Variants in CPNE4 observed in about 807,000 individuals in gnomAD.
The protein encoded by CPNE4 is copine-4.
CPNE4 carries 25 observed loss-of-function variants against 67.9 expected under a neutral mutation model. The observed-to-expected ratio is 0.37, with a 90% confidence interval of 0.27 to 0.51. The LOEUF (loss-of-function observed/expected upper bound fraction) is 0.51. Among genes scored for constraint, CPNE4 ranks in the 20% least tolerant of loss-of-function variants. The pLI, the probability that CPNE4 is intolerant of heterozygous loss-of-function variation, is 0.93. For missense variants in CPNE4, 464 were observed against 690.8 expected (o/e 0.67, Z 3.68); for synonymous variants, 242 against 244.9 (o/e 0.99, Z 0.11).
intron 2 of CPNE4, among the ~76,000 whole-genome samples, chr3:131,818,974 C>T (rs552548470): frequency 2.4e-4 from 37 of 152,084 alleles, no homozygotes; most frequent in Non-Finnish European, 4.7e-4. Context: ...CTGGTGGGCA[C>T]CTGTAAACTC....
intron 2 of CPNE4, among the ~76,000 whole-genome samples, chr3:131,751,771 T>TG (rs1553765165): frequency 6.2e-4 from 85 of 136,692 alleles, no homozygotes; most frequent in African/African-American, 1.9e-3. Flanking sequence ...GCTGTTTTTT[T>TG]TTTGTTTTTT....
At chr3:131,887,380 C>T (rs977622018) in intron 2 of CPNE4, among the ~76,000 whole-genome samples, 19 of 152,144 alleles carry the variant, frequency 1.2e-4, no homozygotes, top group Non-Finnish European at 2.1e-4. Context: ...TTGTAAATTG[C>T]CCAGTCTCAG....
intron 2 of CPNE4, among the ~76,000 whole-genome samples, chr3:131,733,064 A>T (rs1217124812): frequency 6.6e-6 from 1 of 152,210 alleles, no homozygotes; most frequent in Non-Finnish European, 1.5e-5. Flanking sequence ...ACTATATATT[A>T]TGACTTACTG....
At chr3:131,668,454 C>T (rs2080316827) in intron 7 of CPNE4, among the ~76,000 whole-genome samples, 1 of 152,154 alleles carries the variant, frequency 6.6e-6, no homozygotes, top group African/African-American at 2.4e-5. Context: ...GAGGTGGGCA[C>T]TCCTGGTTTT....
intron 3 of CPNE4, among the ~76,000 whole-genome samples, chr3:131,701,093 G>T (rs970417246): frequency 2.4e-5 from 3 of 125,334 alleles, no homozygotes; most frequent in Non-Finnish European, 4.9e-5. Flanking sequence ...GGGGCCTGTT[G>T]TGGGGTGGGG....
At chr3:131,671,532 T>G (rs1362144778) in intron 6 of CPNE4, among the ~76,000 whole-genome samples, 1 of 151,958 alleles carries the variant, frequency 6.6e-6, no homozygotes, top group Non-Finnish European at 1.5e-5. Context: ...CTGGTATTTA[T>G]TTTGTATCTA....
intron 2 of CPNE4, among the ~76,000 whole-genome samples, chr3:131,754,741 T>C (rs1560245365): frequency 1.3e-5 from 2 of 152,198 alleles, no homozygotes; most frequent in Admixed American, 6.5e-5. Flanking sequence ...CACGAAGCTA[T>C]GGGTCATGGC....
intron 5 of CPNE4, among the ~76,000 whole-genome samples, chr3:131,695,721 C>T (rs2081139252): frequency 1.3e-5 from 2 of 152,172 alleles, no homozygotes; most frequent in African/African-American, 4.8e-5. Context: ...AGTTCATGCT[C>T]ATGTTAAGAA....
At chr3:131,671,374 T>G (rs564581590) in intron 6 of CPNE4, among the ~76,000 whole-genome samples, 1 of 152,140 alleles carries the variant, frequency 6.6e-6, no homozygotes, top group Non-Finnish European at 1.5e-5. Flanking sequence ...AGAAGTCTCA[T>G]GCAACAGTTT....
chr3:131,858,315 C>T (rs1333080899), intron 2 of CPNE4, among the ~76,000 whole-genome samples: 1 of 152,056 alleles, frequency 6.6e-6, no homozygotes, highest in African/African-American at 2.4e-5. Context: ...TTGGTTTTCT[C>T]CTTTTGTATT....
chr3:131,801,394 A>ATT (rs2084108771), intron 2 of CPNE4, among the ~76,000 whole-genome samples: 1 of 111,924 alleles, frequency 8.9e-6, no homozygotes, highest in Non-Finnish European at 1.9e-5. Context: ...TATGGTACAT[A>ATT]TATATATAGG....
intron 2 of CPNE4, among the ~76,000 whole-genome samples, chr3:131,880,768 T>C (rs368705254): frequency 2.0e-5 from 3 of 152,322 alleles, no homozygotes; most frequent in East Asian, 3.9e-4. Flanking sequence ...AATAAACTTA[T>C]GGAATGCATG....
intron 1 of CPNE4, among the ~76,000 whole-genome samples, chr3:132,007,289 A>AAAAT (rs1335039342): frequency 6.6e-6 from 1 of 152,118 alleles, no homozygotes; most frequent in East Asian, 1.9e-4. Context: ...TAGTTCAAAG[A>AAAAT]TGAGACGTGA....
intron 2 of CPNE4, among the ~76,000 whole-genome samples, chr3:131,744,281 A>G (rs1282852842): frequency 6.6e-6 from 1 of 152,154 alleles, no homozygotes; most frequent in African/African-American, 2.4e-5. Context: ...GTTTTTCTCT[A>G]TTTTAATAAT....
At chr3:131,952,213 C>G (rs2071757547) in intron 1 of CPNE4, among the ~76,000 whole-genome samples, 1 of 151,052 alleles carries the variant, frequency 6.6e-6, no homozygotes. Context: ...CTCTGCCCCG[C>G]CGCCCCGTCT....
At chr3:131,795,318 A>C (rs540203800) in intron 2 of CPNE4, among the ~76,000 whole-genome samples, 12 of 152,332 alleles carry the variant, frequency 7.9e-5, no homozygotes, top group Non-Finnish European at 1.5e-4. Flanking sequence ...TGAGAAATAA[A>C]AATGAGATCC....
At chr3:131,591,555 G>T (rs1938532907) in intron 7 of CPNE4, among the ~76,000 whole-genome samples, 1 of 152,210 alleles carries the variant, frequency 6.6e-6, no homozygotes, top group Non-Finnish European at 1.5e-5. Flanking sequence ...GGAGTGACCA[G>T]CAGGCCTCCC....
intron 2 of CPNE4, among the ~76,000 whole-genome samples, chr3:131,896,080 T>C (rs2088319742): frequency 1.3e-5 from 2 of 151,976 alleles, no homozygotes. Flanking sequence ...TGGGGCCAGA[T>C]GTCCCTTATA....
intron 2 of CPNE4, among the ~76,000 whole-genome samples, chr3:131,770,067 A>G (rs1176784331): frequency 1.3e-5 from 2 of 152,128 alleles, no homozygotes; most frequent in African/African-American, 2.4e-5. Flanking sequence ...ATTTCCATAT[A>G]TAGGAGTTTT....
Sources: allele counts gnomAD v4.1 joint callset (sites outside exome capture counted in the v4.1 genomes callset), GRCh38; gene constraint gnomAD v4.1.1; transcripts MANE v1.5; gene names NCBI Gene and HGNC (gene_info 2026-07-23, HGNC 2026-07-21).